The following ZMYM2 variants were observed in gnomAD, a reference collection of about 807,000 sequenced individuals.
The protein encoded by ZMYM2 is zinc finger MYM-type protein 2.
A neutral mutation model predicts 162.8 loss-of-function variants in ZMYM2; 56 were observed. The ratio of observed to expected loss-of-function variants is 0.34; its 90% CI spans 0.28 to 0.43. The LOEUF (loss-of-function observed/expected upper bound fraction) is 0.43. ZMYM2 is among the 20% of genes least tolerant of loss of function. The pLI is 1.00. For synonymous variants in ZMYM2, 510 were observed against 541.6 expected (o/e 0.94, Z 0.81); for missense variants, 1,275 against 1,621.8 (o/e 0.79, Z 3.67).
At chr13:20,031,210 C>A in intron 9 of ZMYM2, 109 bp from the exon 10 acceptor site, 2 of 705,938 alleles carry the variant, frequency 2.8e-6, no homozygotes, top group Non-Finnish European at 4.5e-6. Context: ...GAAAAGATAT[C>A]TAAGCAAGAT....
chr13:19,947,384 C>G, the ZMYM2 span, among the ~76,000 whole-genome samples: 13 of 151,054 alleles, frequency 8.6e-5, no homozygotes. Context: ...TAGAAGGAAG[C>G]CAGAGTACAA....
intron 2 of ZMYM2, among the ~76,000 whole-genome samples, chr13:19,973,634 G>A (rs1362543532): frequency 7.1e-6 from 1 of 141,088 alleles, no homozygotes; most frequent in Non-Finnish European, 1.5e-5. Flanking sequence ...TCATGCCACT[G>A]CACTCCAGGC....
At chr13:20,048,071 A>C (rs1954982565) in intron 12 of ZMYM2, among the ~76,000 whole-genome samples, 2 of 152,156 alleles carry the variant, frequency 1.3e-5, no homozygotes, top group Middle Eastern at 3.4e-3. Flanking sequence ...TCCCAAGAGT[A>C]TCTCTATTAA....
intron 7 of ZMYM2, chr13:20,024,892 T>C (rs987891207): frequency 4.6e-6 from 1 of 215,968 alleles, no homozygotes; most frequent in Admixed American, 5.8e-5. Flanking sequence ...TTCCTTTAGT[T>C]GATATTTCAG....
At chr13:19,901,126 T>C in the ZMYM2 span, among the ~76,000 whole-genome samples, 1 of 152,094 alleles carries the variant, frequency 6.6e-6, no homozygotes, top group Non-Finnish European at 1.5e-5. Context: ...CTCACTCTTA[T>C]AAGGGCATCA....
the ZMYM2 span, among the ~76,000 whole-genome samples, chr13:19,881,781 T>A: frequency 6.6e-6 from 1 of 151,672 alleles, no homozygotes; most frequent in East Asian, 1.9e-4. Flanking sequence ...GATCAGGAGT[T>A]CAAGACCACA....
chr13:19,943,441 C>T, the ZMYM2 span, among the ~76,000 whole-genome samples: 6 of 151,990 alleles, frequency 3.9e-5, no homozygotes, highest in South Asian at 8.3e-4. Flanking sequence ...TAAGATTAGC[C>T]GACATCCCAA....
chr13:19,939,187 C>T, the ZMYM2 span, among the ~76,000 whole-genome samples: 965 of 151,862 alleles, frequency 6.4e-3, 18 homozygotes, highest in African/African-American at 0.022. Context: ...CCACGCCCAG[C>T]TAATTTTTGT....
chr13:20,023,727 G>A (rs916864398), intron 7 of ZMYM2, among the ~76,000 whole-genome samples: 30 of 152,194 alleles, frequency 2.0e-4, no homozygotes, highest in Admixed American at 5.9e-4. Context: ...TTTATAGGAC[G>A]CATATAAATT....
the ZMYM2 span, among the ~76,000 whole-genome samples, chr13:19,887,527 TA>T: frequency 0.24 from 34,591 of 143,472 alleles, 4,336 homozygotes; most frequent in Middle Eastern, 0.3. Flanking sequence ...AGACTTGGTA[TA>T]AAAAAAAAAA....
the ZMYM2 span, among the ~76,000 whole-genome samples, chr13:19,884,047 C>T: frequency 3.3e-5 from 5 of 152,140 alleles, no homozygotes; most frequent in Admixed American, 6.6e-5. Flanking sequence ...CATGAGCCCC[C>T]GGGCGTGGCC....
chr13:19,962,493 T>C (rs1448168995), intron 2 of ZMYM2, among the ~76,000 whole-genome samples: 1 of 134,824 alleles, frequency 7.4e-6, no homozygotes, highest in African/African-American at 3.1e-5. Flanking sequence ...TCAAATTGCA[T>C]GGGATATATA....
intron 7 of ZMYM2, among the ~76,000 whole-genome samples, chr13:20,020,395 C>A (rs192916813): frequency 6.6e-6 from 1 of 151,992 alleles, no homozygotes; most frequent in Non-Finnish European, 1.5e-5. Context: ...CCACCACACC[C>A]GGCTAATTTT....
chr13:19,942,188 C>T, the ZMYM2 span, among the ~76,000 whole-genome samples: 1 of 151,882 alleles, frequency 6.6e-6, no homozygotes, highest in South Asian at 2.1e-4. Flanking sequence ...AAATTTTCAA[C>T]ACAGCTTTAT....
intron 2 of ZMYM2, among the ~76,000 whole-genome samples, chr13:19,982,990 C>T (rs957947176): frequency 1.3e-5 from 2 of 152,120 alleles, no homozygotes; most frequent in East Asian, 3.9e-4. Flanking sequence ...AATTTTATGG[C>T]CGTTCAGTTG....
intron 2 of ZMYM2, among the ~76,000 whole-genome samples, chr13:19,962,512 TA>T (rs1378142001): frequency 0.012 from 677 of 57,104 alleles, 6 homozygotes; most frequent in Non-Finnish European, 0.016. Context: ...TATATATATA[TA>T]TATTTTTTTT....
At position 20,062,708 on chromosome 13, in the gene ZMYM2, T is replaced by A. The variant is rs978655712; in HGVS notation, c.2912-138T>A. On this transcript the variant is annotated intron_variant, in intron 17 of 24. Coordinates refer to ENST00000610343, the MANE Select transcript of ZMYM2 (RefSeq NM_197968.4). The stretch of plus-strand genomic sequence containing the variant: ...TTTTGAGATAGTTATATATATAATA[T>A]GCCCTTTTCTTTTGTGACATTATAC... 1.3e-5 allele frequency: 11 copies of A among 820,076 alleles called. No homozygotes were observed. In the African/African-American group the frequency reaches 1.7e-4, roughly 13 times the overall value. The allele number at this position is 820,076 out of a possible 1,614,324, so 50.8% of individuals were successfully genotyped here.
chr13:19,870,480 TC>T, the ZMYM2 span, among the ~76,000 whole-genome samples: 1 of 150,700 alleles, frequency 6.6e-6, no homozygotes. Context: ...CTTCCTTCCT[TC>T]CCCTCCTTTC....
chr13:20,065,337 C>T (rs890768995), intron 19 of ZMYM2, among the ~76,000 whole-genome samples: 1 of 151,944 alleles, frequency 6.6e-6, no homozygotes, highest in African/African-American at 2.4e-5. Flanking sequence ...TAAGAGCTAA[C>T]AATATAAAAC....
Sources: allele counts gnomAD v4.1 joint callset (sites outside exome capture counted in the v4.1 genomes callset), GRCh38; gene constraint gnomAD v4.1.1; transcripts MANE v1.5; gene names NCBI Gene and HGNC (gene_info 2026-07-23, HGNC 2026-07-21).